DLC1: variants seen among roughly 807,000 people sequenced by gnomAD.
DLC1 encodes rho GTPase-activating protein 7.
Under a neutral mutation model 140.3 loss-of-function variants are expected in DLC1, and 54 were observed. That is an observed-to-expected ratio of 0.38 (90% confidence interval 0.31 to 0.48). The LOEUF is 0.48. DLC1 is among the 20% of genes least tolerant of loss of function. DLC1 has a pLI of 0.96. For synonymous variants in DLC1, 986 were observed against 728.1 expected (o/e 1.35, Z -5.70); for missense variants, 2,536 against 1,907.0 (o/e 1.33, Z -6.14).
intron 1 of DLC1, among the ~76,000 whole-genome samples, chr8:13,564,285 A>G (rs1178389739): frequency 1.3e-5 from 2 of 152,170 alleles, no homozygotes; most frequent in Non-Finnish European, 2.9e-5. Flanking sequence ...AAATTGAACA[A>G]CTATAAATAA....
chr8:13,303,839 T>A (rs1249283148), intron 5 of DLC1, among the ~76,000 whole-genome samples: 1 of 152,114 alleles, frequency 6.6e-6, no homozygotes. Flanking sequence ...TTTCAAAATA[T>A]TTGAGAAGCT....
chr8:13,462,107 C>T (rs1799691627), intron 2 of DLC1, among the ~76,000 whole-genome samples: 1 of 152,126 alleles, frequency 6.6e-6, no homozygotes, highest in South Asian at 2.1e-4. Context: ...TGCTCACCTC[C>T]AGCCTTTTTC....
chr8:13,100,558 G>A lies in DLC1; in HGVS notation c.1779C>T (p.Ser593=), dbSNP rs143622533. 5 of 1,613,256 alleles carry A rather than the reference G, an allele frequency of 3.1e-6. No homozygotes were observed. Among genetic ancestry groups the A allele is most frequent in the African/African-American group, 1.3e-5 (1 of 74,934 alleles). ...MDLSERQEVS[S]VRSLSSTGSL... is the part of the protein sequence containing the mutation. ...TGCCAGTGCTGCTGAGGCTGCGGAC[G>A]GAAGACACCTCCTGGCGCTCGCTGA... Residue 593 remains serine (S), a synonymous_variant, in exon 9 of 18, where the codon TCC becomes TCT. Coordinates refer to ENST00000276297, the MANE Select transcript of DLC1 (RefSeq NM_182643.3).
intron 1 of DLC1, among the ~76,000 whole-genome samples, chr8:13,546,605 T>A (rs1803656379): frequency 6.6e-6 from 1 of 152,138 alleles, no homozygotes. Flanking sequence ...CATTGAAGTT[T>A]TATGTAAATG....
intron 5 of DLC1, among the ~76,000 whole-genome samples, chr8:13,168,539 A>T (rs748689076): frequency 6.6e-6 from 1 of 152,200 alleles, no homozygotes; most frequent in Non-Finnish European, 1.5e-5. Flanking sequence ...ACGTAGATTA[A>T]TGGTCAGGAT....
intron 1 of DLC1, among the ~76,000 whole-genome samples, chr8:13,581,890 A>T (rs1008654409): frequency 4.6e-5 from 7 of 152,178 alleles, no homozygotes; most frequent in African/African-American, 1.7e-4. Flanking sequence ...TAGTTCATGC[A>T]ATCTGAAGTC....
chr8:13,230,828 C>A (rs1259510090), intron 5 of DLC1, among the ~76,000 whole-genome samples: 1 of 152,032 alleles, frequency 6.6e-6, no homozygotes, highest in Non-Finnish European at 1.5e-5. Flanking sequence ...AACTCCTGAC[C>A]TCAGGTGATC....
At chr8:13,304,781 A>G (rs1832348616) in intron 5 of DLC1, 11 of 955,982 alleles carry the variant, frequency 1.2e-5, no homozygotes, top group Non-Finnish European at 1.4e-5. Context: ...ATTATAATTA[A>G]AGCACAGAAC....
At chr8:13,397,203 C>A (rs192904770) in intron 3 of DLC1, among the ~76,000 whole-genome samples, 6 of 152,248 alleles carry the variant, frequency 3.9e-5, no homozygotes, top group Admixed American at 2.0e-4. Flanking sequence ...GGTCTCACTG[C>A]TGACCCTCAA....
intron 5 of DLC1, among the ~76,000 whole-genome samples, chr8:13,192,719 G>T (rs1400102904): frequency 1.3e-5 from 2 of 152,196 alleles, no homozygotes; most frequent in African/African-American, 4.8e-5. Flanking sequence ...AAATGATGCT[G>T]TTAGGGCAGG....
chr8:13,407,831 T>G (rs962679376), intron 2 of DLC1, among the ~76,000 whole-genome samples: 3 of 152,228 alleles, frequency 2.0e-5, no homozygotes, highest in Non-Finnish European at 4.4e-5. Context: ...GCAAAAGACT[T>G]GGCTCAGTTT....
At chr8:13,562,784 G>A (rs760622705) in intron 1 of DLC1, among the ~76,000 whole-genome samples, 10 of 151,914 alleles carry the variant, frequency 6.6e-5, no homozygotes, top group Middle Eastern at 3.2e-3. Context: ...CAAAATGCCC[G>A]TCAAAATGTG....
intron 5 of DLC1, among the ~76,000 whole-genome samples, chr8:13,139,399 C>A (rs1302781708): frequency 6.6e-6 from 1 of 151,534 alleles, no homozygotes; most frequent in Admixed American, 6.6e-5. Context: ...TCTTTTAAAC[C>A]CCAACTATGA....
chr8:13,493,217 A>C (rs976471197), intron 2 of DLC1, among the ~76,000 whole-genome samples: 7 of 152,146 alleles, frequency 4.6e-5, no homozygotes, highest in African/African-American at 1.7e-4. Flanking sequence ...GTTATTATGA[A>C]TTTATCTGCA....
At chr8:13,263,903 C>T (rs542567201) in intron 5 of DLC1, among the ~76,000 whole-genome samples, 1 of 151,780 alleles carries the variant, frequency 6.6e-6, no homozygotes, top group African/African-American at 2.4e-5. Context: ...AATTTCTACC[C>T]ATGTGCGCAC....
chr8:13,569,482 C>T (rs901556008), intron 1 of DLC1, among the ~76,000 whole-genome samples: 5 of 152,126 alleles, frequency 3.3e-5, no homozygotes, highest in Admixed American at 2.0e-4. Flanking sequence ...CATGCTTTAT[C>T]TTTGACATCT....
chr8:13,200,740 G>A (rs1827334003), intron 5 of DLC1, among the ~76,000 whole-genome samples: 1 of 151,972 alleles, frequency 6.6e-6, no homozygotes, highest in South Asian at 2.1e-4. Context: ...GAGTAGGTGG[G>A]ACGACAGGTC....
chr8:13,178,185 G>C (rs1825853228), intron 5 of DLC1, among the ~76,000 whole-genome samples: 1 of 152,004 alleles, frequency 6.6e-6, no homozygotes, highest in Non-Finnish European at 1.5e-5. Flanking sequence ...CCTTTTAGAG[G>C]AAAAGTAGAA....
intron 1 of DLC1, among the ~76,000 whole-genome samples, chr8:13,550,265 C>G (rs1803800460): frequency 6.6e-6 from 1 of 152,164 alleles, no homozygotes; most frequent in South Asian, 2.1e-4. Flanking sequence ...GTTTTTTTCT[C>G]TGCTCACACT....
Sources: gnomAD v4.1 joint callset for allele counts (sites outside exome capture counted in the v4.1 genomes callset) on GRCh38, gnomAD v4.1.1 for gene constraint, MANE v1.5 for transcripts, NCBI Gene and HGNC (gene_info 2026-07-23, HGNC 2026-07-21) for gene names.